The following CDK14 variants were observed in gnomAD, a reference collection of about 807,000 sequenced individuals.
The protein encoded by CDK14 is cyclin-dependent kinase 14.
A neutral mutation model predicts 60.7 loss-of-function variants in CDK14; 34 were observed. The observed-to-expected ratio is 0.56, with a 90% CI of 0.43 to 0.75. The LOEUF (loss-of-function observed/expected upper bound fraction) is 0.75. Among genes scored for constraint, CDK14 ranks in the 30% least tolerant of loss-of-function variants. The pLI is 0.00. For missense variants in CDK14, 482 were observed against 564.1 expected (o/e 0.85, Z 1.47); for synonymous variants, 197 against 203.7 (o/e 0.97, Z 0.28).
rs530774246 is a variant in CDK14, at chr7:91,155,954, G to T, written c.*28+37746G>T. 7.2e-5 allele frequency among the ~76,000 whole-genome samples: 11 copies of T among 152,274 alleles called. No homozygotes were observed. The South Asian group carries it at 2.3e-3, about 32-fold the overall frequency. Reference sequence around the variant, plus strand: ...TAATTCACTTGCTGGGTAAAACCTGGAAAGACATTTTGAGATATAAAAACT... The same window carrying T: ...TAATTCACTTGCTGGGTAAAACCTGTAAAGACATTTTGAGATATAAAAACT... On this transcript the variant is annotated intron_variant, in intron 14 of 14. Transcript: ENST00000380050.
Position 90,649,240 on chromosome 7 carries a change from C to CTTTCTTTCTTTCTTTCTTTCTTTG in CDK14, c.123+45014_123+45015insGTTTCTTTCTTTCTTTCTTTCTTT, listed in dbSNP as rs1563029588. ...CAGCAACAGCTCTAGCCTATAGTTT[C>CTTTCTTTCTTTCTTTCTTTCTTTG]TTTCTTTCTTTCTTTCTTTCTTTCT... On this transcript the variant is annotated intron_variant, in intron 2 of 14. Coordinates refer to ENST00000380050, the MANE Select transcript of CDK14 (RefSeq NM_001287135.2). Among the ~76,000 whole-genome samples the CTTTCTTTCTTTCTTTCTTTCTTTG allele has an allele frequency of 1.7e-4, 5 of 30,254 alleles. No homozygotes were observed. In the South Asian group the frequency reaches 6.4e-3, roughly 39 times the overall value. The allele number at this position is 30,254 out of a possible 152,430, so 19.8% of individuals were successfully genotyped here.
intron 5 of CDK14, among the ~76,000 whole-genome samples, chr7:90,852,594 A>G (rs1031565005): frequency 6.6e-6 from 1 of 152,178 alleles, no homozygotes; most frequent in African/African-American, 2.4e-5. Flanking sequence ...GCCTTTTCTT[A>G]GATTAAATAT....
At position 90,872,591 on chromosome 7, in the gene CDK14, A is replaced by G. The variant is rs527499902; in HGVS notation, c.639+9322A>G. ...TAATGGCTTTTTCTCATCTAATAAT[A>G]AGGAATGATGGTTACCTTTAGTCAT... On this transcript the variant is annotated intron_variant, in intron 6 of 14. Transcript: ENST00000380050. Among the ~76,000 whole-genome samples the G allele has an allele frequency of 3.3e-5, 5 of 152,298 alleles. No homozygotes were observed. In the East Asian group the frequency reaches 9.6e-4, roughly 29 times the overall value.
intron 14 of CDK14, among the ~76,000 whole-genome samples, chr7:91,196,807 C>T (rs1180665432): frequency 6.6e-6 from 1 of 152,190 alleles, no homozygotes; most frequent in Non-Finnish European, 1.5e-5. Context: ...AGTGGAAGAT[C>T]CCTGGACAGT....
Position 91,037,797 on chromosome 7 carries a change from G to A in CDK14, c.1042-8100G>A, listed in dbSNP as rs138464823. Reference sequence around the variant, plus strand: ...GAAGAGCAAAGGTTACTGCCCAGACGCTCTTCTCTGAATTCAGGATGTTGA... The same window carrying A: ...GAAGAGCAAAGGTTACTGCCCAGACACTCTTCTCTGAATTCAGGATGTTGA... On this transcript the variant is annotated intron_variant, in intron 10 of 14. Coordinates refer to ENST00000380050, the MANE Select transcript of CDK14 (RefSeq NM_001287135.2). 8.0e-3 allele frequency among the ~76,000 whole-genome samples: 1,216 copies of A among 152,308 alleles called. 15 individuals are homozygous for A. The highest frequency in any genetic ancestry group is 0.028 in the African/African-American group (1,155 of 41,568).
intron 11 of CDK14, among the ~76,000 whole-genome samples, chr7:91,056,257 C>T (rs530056936): frequency 7.9e-5 from 12 of 152,180 alleles, no homozygotes; most frequent in South Asian, 6.2e-4. Flanking sequence ...CCGGGGATTC[C>T]ACACCACTAT....
chr7:90,625,463 T>A (rs898952099), intron 2 of CDK14, among the ~76,000 whole-genome samples: 2 of 152,256 alleles, frequency 1.3e-5, no homozygotes, highest in Non-Finnish European at 2.9e-5. Flanking sequence ...ATGAAAGCAA[T>A]TCAAAAACCA....
intron 2 of CDK14, among the ~76,000 whole-genome samples, chr7:90,659,600 A>T (rs1202055497): frequency 6.6e-6 from 1 of 152,186 alleles, no homozygotes; most frequent in Non-Finnish European, 1.5e-5. Flanking sequence ...TATTACCCTG[A>T]AACAGTACCT....
chr7:90,721,485 G>T (rs947816025), intron 2 of CDK14, among the ~76,000 whole-genome samples: 2 of 152,000 alleles, frequency 1.3e-5, no homozygotes, highest in East Asian at 3.9e-4. Flanking sequence ...CAGTTTGATC[G>T]TTGGGAGCTC....
At chr7:90,777,353 A>T (rs1805092815) in intron 4 of CDK14, among the ~76,000 whole-genome samples, 2 of 152,216 alleles carry the variant, frequency 1.3e-5, no homozygotes, top group Admixed American at 6.5e-5. Context: ...AAAATAGTTG[A>T]AAAACTTTTG....
chr7:90,773,899 CTTTCTT>C (rs1804901732), intron 4 of CDK14, among the ~76,000 whole-genome samples: 1 of 72,840 alleles, frequency 1.4e-5, no homozygotes, highest in Non-Finnish European at 2.6e-5. Flanking sequence ...CTCCTCTTTT[CTTTCTT>C]TTTTTTTTTT....
intron 2 of CDK14, among the ~76,000 whole-genome samples, chr7:90,653,748 C>T (rs748538064): frequency 3.2e-4 from 49 of 152,002 alleles, no homozygotes; most frequent in Non-Finnish European, 6.6e-4. Context: ...ATACATGTGC[C>T]ATGTTGGTGT....
intron 10 of CDK14, among the ~76,000 whole-genome samples, chr7:90,999,398 C>G (rs2115740790): frequency 6.7e-6 from 1 of 148,904 alleles, no homozygotes; most frequent in South Asian, 2.2e-4. Flanking sequence ...ACCAGCCTGG[C>G]CAACATGGTG....
chr7:90,681,332 T>A (rs1801311931), intron 2 of CDK14, among the ~76,000 whole-genome samples: 1 of 152,182 alleles, frequency 6.6e-6, no homozygotes, highest in Non-Finnish European at 1.5e-5. Flanking sequence ...GAGAGCTATT[T>A]AGGAAGTACT....
At chr7:90,884,944 C>T (rs1791892621) in intron 6 of CDK14, among the ~76,000 whole-genome samples, 1 of 152,056 alleles carries the variant, frequency 6.6e-6, no homozygotes, top group Non-Finnish European at 1.5e-5. Context: ...TGCAAGATGG[C>T]TTAACGGCTT....
chr7:90,811,176 A>T (rs1416115478), intron 5 of CDK14, among the ~76,000 whole-genome samples: 1 of 152,244 alleles, frequency 6.6e-6, no homozygotes, highest in East Asian at 1.9e-4. Flanking sequence ...CTAAGACAAA[A>T]GAACAAAGCT....
At chr7:90,723,601 A>G (rs1488686226) in intron 2 of CDK14, among the ~76,000 whole-genome samples, 3 of 152,168 alleles carry the variant, frequency 2.0e-5, no homozygotes, top group Non-Finnish European at 4.4e-5. Flanking sequence ...TTGCCATATT[A>G]TATTTATGGG....
At chr7:90,944,224 G>T (rs1182990822) in intron 8 of CDK14, among the ~76,000 whole-genome samples, 1 of 152,072 alleles carries the variant, frequency 6.6e-6, no homozygotes, top group Non-Finnish European at 1.5e-5. Context: ...CTTTATAAAT[G>T]ACTCACTTTC....
chr7:91,177,004 C>CA (rs1447389522), intron 14 of CDK14, among the ~76,000 whole-genome samples: 4 of 150,084 alleles, frequency 2.7e-5, no homozygotes, highest in Non-Finnish European at 4.5e-5. Flanking sequence ...GAGACACAAC[C>CA]AAAAAAGAGA....
Sources: allele counts gnomAD v4.1 joint callset (sites outside exome capture counted in the v4.1 genomes callset), GRCh38; gene constraint gnomAD v4.1.1; transcripts MANE v1.5; gene names NCBI Gene and HGNC (gene_info 2026-07-23, HGNC 2026-07-21).